The following USPL1 variants were observed in gnomAD, a reference collection of about 807,000 sequenced individuals.
USPL1 encodes ubiquitin specific peptidase like 1, also known as SUMO-specific isopeptidase USPL1.
In USPL1, 27 loss-of-function variants were observed where a neutral mutation model predicts 51.5. That is an observed-to-expected ratio of 0.52 (90% CI 0.39 to 0.72). USPL1 has a LOEUF of 0.72. Among genes scored for constraint, USPL1 ranks in the 30% least tolerant of loss-of-function variants. The pLI is 0.00. For synonymous variants in USPL1, 451 were observed against 459.6 expected, an observed-to-expected ratio of 0.98 and a Z score of 0.24; for missense variants, 1,226 against 1,268.0, an observed-to-expected ratio of 0.97 and a Z score of 0.50.
intron 1 of USPL1, among the ~76,000 whole-genome samples, chr13:30,619,412 T>TC (rs1335121450): frequency 6.6e-6 from 1 of 152,192 alleles, no homozygotes; most frequent in East Asian, 1.9e-4. Flanking sequence ...ATTTGGAGAC[T>TC]CTTTATATTT....
intron 8 of USPL1, among the ~76,000 whole-genome samples, chr13:30,653,511 C>T (rs1405375558): frequency 6.6e-6 from 1 of 152,092 alleles, no homozygotes; most frequent in African/African-American, 2.4e-5. Context: ...CCTTTCCTTA[C>T]ATCATGTATT....
At chr13:30,644,006 C>T (rs540439664) in intron 6 of USPL1, among the ~76,000 whole-genome samples, 10 of 151,302 alleles carry the variant, frequency 6.6e-5, no homozygotes, top group East Asian at 6.0e-4. Flanking sequence ...TTTTGAAGGC[C>T]GGGCACAGTG....
chr13:30,644,643 C>T (rs981074125), intron 6 of USPL1, among the ~76,000 whole-genome samples: 7 of 152,004 alleles, frequency 4.6e-5, no homozygotes, highest in Admixed American at 1.3e-4. Flanking sequence ...GGCAACAGAG[C>T]GATATTGGCA....
chr13:30,657,155 TAAAAC>T (rs956594026), intron 8 of USPL1, among the ~76,000 whole-genome samples: 2 of 152,176 alleles, frequency 1.3e-5, no homozygotes, highest in African/African-American at 4.8e-5. Context: ...AGCTCAGAAA[TAAAAC>T]AAGAATTAAA....
Position 30,659,382 on chromosome 13 carries a change from A to G in USPL1, c.*26A>G. Reference sequence around the variant, plus strand: ...ATTAATGCTTGTTAACTTTTTTCATATAATATTTATTATTATTAGAAGAAC... The same window carrying G: ...ATTAATGCTTGTTAACTTTTTTCATGTAATATTTATTATTATTAGAAGAAC... On this transcript the variant is annotated 3_prime_UTR_variant, in exon 9 of 9. Transcript: ENST00000255304. The G allele has an allele frequency of 6.7e-7, 1 of 1,488,948 alleles. No homozygotes were observed. The highest frequency in any genetic ancestry group is 1.4e-5 in the South Asian group (1 of 73,060). 92.2% of individuals were successfully genotyped at this position (1,488,948 alleles called of 1,614,324 possible).
chr13:30,625,066 T>G (rs1418173281), intron 3 of USPL1, among the ~76,000 whole-genome samples: 1 of 152,150 alleles, frequency 6.6e-6, no homozygotes, highest in Non-Finnish European at 1.5e-5. Flanking sequence ...TTTAGATTGA[T>G]AAGTAGAAAG....
chr13:30,659,278 C>T lies in USPL1; in HGVS notation c.3201C>T (p.Ser1067=), dbSNP rs1477945281. 3 of 1,613,946 alleles carry T rather than the reference C, an allele frequency of 1.9e-6. No individual in the cohort carries two copies. In the African/African-American group the frequency reaches 4.0e-5, roughly 22 times the overall value. The change falls in exon 9 of 9, where the codon TCC becomes TCT. Residue 1067 remains serine, a synonymous_variant. Coordinates refer to ENST00000255304, the MANE Select transcript of USPL1 (RefSeq NM_005800.5). ...CTGATATTTTCGATGAGTTTTTTTC[C>T]TCCTCAGCATTAAATGCTTTAGCAA... The part of the protein sequence containing the change: ...MKTDIFDEFF[S]SSALNALAND...
At chr13:30,650,292 G>C (rs1311541783) in intron 7 of USPL1, among the ~76,000 whole-genome samples, 1 of 152,150 alleles carries the variant, frequency 6.6e-6, no homozygotes, top group Admixed American at 6.5e-5. Context: ...AGAAAGAAAT[G>C]CTGGCCGGGC....
At position 30,631,221 on chromosome 13, in the gene USPL1, A is replaced by C; in HGVS notation, c.615A>C (p.Gly205=). The change falls in exon 4 of 9, where the codon GGA becomes GGC. Residue 205 remains glycine, a synonymous_variant. Coordinates refer to ENST00000255304, the MANE Select transcript of USPL1 (RefSeq NM_005800.5). ...GTGRPSPQNE[G]CTSKLEMPLE... ...GCAGACCTTCCCCTCAAAATGAAGG[A>C]TGTACATCTAAACTGGAAATGCCAC... 1 of 1,614,188 alleles carries C rather than the reference A, an allele frequency of 6.2e-7. No individual in the cohort carries two copies.
rs541975885 is a variant in USPL1 at position 30,622,643 on chromosome 13, T to C, written c.228+751T>C. ...AGATCTGTTTATTCCAGCAAAAAAT[T>C]AGCAGTTCATCAGAATTACCTGGAG... On this transcript the variant is annotated intron_variant, in intron 3 of 8. Coordinates refer to ENST00000255304, the MANE Select transcript of USPL1 (RefSeq NM_005800.5). Among the ~76,000 whole-genome samples the C allele has an allele frequency of 2.0e-5, 3 of 152,294 alleles. No individual in the cohort carries two copies. In the East Asian group the frequency reaches 5.8e-4, roughly 29 times the overall value.
chr13:30,619,929 G>A (rs537035154), intron 1 of USPL1, among the ~76,000 whole-genome samples: 36 of 152,260 alleles, frequency 2.4e-4, no homozygotes, highest in African/African-American at 8.7e-4. Context: ...GGATCTAGAG[G>A]GTAAAGGTCA....
Position 30,658,104 on chromosome 13 carries a change from C to A in USPL1, c.2027C>A (p.Thr676Asn), listed in dbSNP as rs764520976. ...VQLNTEDTVN[T>N]KSVNNTDATG... ...CTGAATACAGAAGATACTGTAAATA[C>A]TAAATCTGTGAATAATACTGATGCT... is the stretch of plus-strand genomic sequence containing the variant. The change falls in exon 9 of 9, where the codon ACT (threonine) becomes AAT (asparagine). Residue 676 changes from threonine to asparagine, a missense_variant. Transcript: ENST00000255304. The A allele has an allele frequency of 3.1e-6, 5 of 1,613,572 alleles. No individual in the cohort carries two copies. The highest frequency in any genetic ancestry group is 4.2e-6 in the Non-Finnish European group (5 of 1,180,002).
chr13:30,646,895 T>G (rs1407325120), intron 6 of USPL1, 37 bp from the exon 7 acceptor site: 1 of 1,587,352 alleles, frequency 6.3e-7, no homozygotes, highest in Non-Finnish European at 8.6e-7. Context: ...GTAAATGCAT[T>G]TAACGTTAAT....
At chr13:30,620,387 C>G (rs1950631666) in intron 1 of USPL1, among the ~76,000 whole-genome samples, 1 of 152,174 alleles carries the variant, frequency 6.6e-6, no homozygotes, top group Non-Finnish European at 1.5e-5. Flanking sequence ...TTACACTGAG[C>G]TCCGGTCTCT....
chr13:30,629,875 A>G (rs1349509774), intron 3 of USPL1, among the ~76,000 whole-genome samples: 1 of 152,200 alleles, frequency 6.6e-6, no homozygotes, highest in Non-Finnish European at 1.5e-5. Context: ...GAGGGCATGA[A>G]TTACCAGGAG....
chr13:30,641,724 A>G (rs1950949841), intron 5 of USPL1, among the ~76,000 whole-genome samples: 1 of 152,232 alleles, frequency 6.6e-6, no homozygotes, highest in African/African-American at 2.4e-5. Context: ...TTAGACTGAA[A>G]AGTTAAGAAG....
At chr13:30,619,841 A>G (rs1443899130) in intron 1 of USPL1, among the ~76,000 whole-genome samples, 1 of 152,240 alleles carries the variant, frequency 6.6e-6, no homozygotes, top group African/African-American at 2.4e-5. Flanking sequence ...GAAAAAAGTT[A>G]GCATCAGTAG....
chr13:30,631,362 G>T lies in USPL1; in HGVS notation c.756G>T (p.Lys252Asn), dbSNP rs1245438887. The T allele has an allele frequency of 6.2e-7, 1 of 1,614,218 alleles. No individual in the cohort carries two copies. Among genetic ancestry groups the T allele is most frequent in the South Asian group, 1.1e-5 (1 of 91,086 alleles). Residue 252 changes from lysine to asparagine, a missense_variant, in exon 4 of 9, where the codon AAG becomes AAT. Coordinates refer to ENST00000255304, the MANE Select transcript of USPL1 (RefSeq NM_005800.5). The part of the protein sequence containing the change: ...LSALVHSEEL[K>N]NTVTGLCSKE... ...CTTTGGTGCACTCGGAAGAGTTAAA[G>T]AACACCGTGACTGGACTGTGCTCGA...
chr13:30,623,428 A>G (rs4394933), intron 3 of USPL1, among the ~76,000 whole-genome samples: 63,197 of 151,968 alleles, frequency 0.42, 13,726 homozygotes, highest in Middle Eastern at 0.65. Flanking sequence ...AGTTGACTTC[A>G]GTGTTAAAAG....
Sources: gnomAD v4.1 joint callset for allele counts (sites outside exome capture counted in the v4.1 genomes callset) on GRCh38, gnomAD v4.1.1 for gene constraint, MANE v1.5 for transcripts, NCBI Gene and HGNC (gene_info 2026-07-23, HGNC 2026-07-21) for gene names.